Variants in SSH2 observed in about 807,000 individuals in gnomAD.
SSH2 encodes slingshot protein phosphatase 2.
A neutral mutation model predicts 135.2 loss-of-function variants in SSH2; 37 were observed. The ratio of observed to expected loss-of-function variants is 0.27; its 90% CI spans 0.21 to 0.36. SSH2 has a LOEUF of 0.36. Ranked by LOEUF, SSH2 falls within the 10% of genes least tolerant of loss-of-function variation. The pLI is 1.00. For missense variants in SSH2, 1,408 were observed against 1,765.3 expected (o/e 0.80, Z 3.63); for synonymous variants, 628 against 646.2 (o/e 0.97, Z 0.43).
intron 1 of SSH2, among the ~76,000 whole-genome samples, chr17:29,909,160 C>T (rs2066719022): frequency 6.6e-6 from 1 of 152,064 alleles, no homozygotes; most frequent in Non-Finnish European, 1.5e-5. Flanking sequence ...GTAAAAATAG[C>T]TTGGGTTTAA....
chr17:29,736,871 A>G, intron 3 of SSH2, among the ~76,000 whole-genome samples: 1 of 140,968 alleles, frequency 7.1e-6, no homozygotes, highest in Non-Finnish European at 1.5e-5. Flanking sequence ...AGGTCGAGGC[A>G]GGCAGATCAC....
Position 29,768,324 on chromosome 17 carries a change from G to A in SSH2, c.188+25570C>T, listed in dbSNP as rs534099249. On this transcript the variant is annotated intron_variant, in intron 3 of 15. Transcript: ENST00000540801. Reference sequence around the variant, plus strand: ...TTTTTTTTTTTTGAGACAGGGTCTCGCTCTGTCATCCAGACTGGAGTGCAG... The same window carrying A: ...TTTTTTTTTTTTGAGACAGGGTCTCACTCTGTCATCCAGACTGGAGTGCAG... Among the ~76,000 whole-genome samples the A allele has an allele frequency of 2.2e-5, 3 of 137,400 alleles. No homozygotes were observed. In the South Asian group the frequency reaches 6.6e-4, roughly 30 times the overall value. 90.1% of individuals were successfully genotyped at this position (137,400 alleles called of 152,430 possible).
intron 9 of SSH2, among the ~76,000 whole-genome samples, chr17:29,667,735 C>T (rs2037337517): frequency 6.6e-6 from 1 of 152,152 alleles, no homozygotes; most frequent in Non-Finnish European, 1.5e-5. Context: ...CTCACAATAT[C>T]TCTGTGAAAC....
At chr17:29,794,562 A>G (rs2042125316) in intron 2 of SSH2, among the ~76,000 whole-genome samples, 1 of 152,248 alleles carries the variant, frequency 6.6e-6, no homozygotes, top group African/African-American at 2.4e-5. Flanking sequence ...GTCATATAAA[A>G]GCACTGATGG....
intron 1 of SSH2, among the ~76,000 whole-genome samples, chr17:29,872,249 C>T (rs2151422104): frequency 6.6e-6 from 1 of 152,288 alleles, no homozygotes; most frequent in Middle Eastern, 3.4e-3. Context: ...GAATTGGTGA[C>T]TATTATTAAT....
intron 3 of SSH2, among the ~76,000 whole-genome samples, chr17:29,719,652 C>CTT: frequency 1.3e-5 from 2 of 151,920 alleles, no homozygotes; most frequent in African/African-American, 4.8e-5. Context: ...AGAAGTTCTT[C>CTT]CCATTTCACA....
chr17:29,788,348 C>T (rs1234417773), intron 3 of SSH2, among the ~76,000 whole-genome samples: 14 of 152,160 alleles, frequency 9.2e-5, no homozygotes, highest in Admixed American at 9.2e-4. Context: ...AGAAGTTCCT[C>T]CTTCTGCCTT....
intron 3 of SSH2, among the ~76,000 whole-genome samples, chr17:29,706,876 G>A (rs1598846746): frequency 6.6e-6 from 1 of 152,080 alleles, no homozygotes; most frequent in African/African-American, 2.4e-5. Context: ...CTTCCTGGCC[G>A]GGCGCAGTGG....
rs146787359 is a variant in SSH2 at position 29,691,477 on chromosome 17, C to T, written c.357+3982G>A. Among the ~76,000 whole-genome samples, 9 of 136,380 alleles carry T rather than the reference C, an allele frequency of 6.6e-5. No individual in the cohort carries two copies. In the East Asian group the frequency reaches 2.0e-3, roughly 31 times the overall value. The allele number at this position is 136,380 out of a possible 152,430, so 89.5% of individuals were successfully genotyped here. A position where few individuals can be genotyped will look rare whatever the true frequency, so the allele number is the denominator to read the frequency against. On this transcript the variant is annotated intron_variant, in intron 5 of 15. Transcript: ENST00000540801. The stretch of plus-strand genomic sequence containing the variant: ...GAGCTTCCCTGGAGGAAAAGATTGG[C>T]TTTGTCCTATTTTCTCTCTTTTTTT...
chr17:29,777,498 T>A (rs573281327), intron 3 of SSH2: 1 of 152,288 alleles, frequency 6.6e-6, no homozygotes, highest in East Asian at 1.9e-4. Flanking sequence ...ACTGAAATAA[T>A]GAAAATGCAC....
Position 29,811,508 on chromosome 17 carries a change from G to A in SSH2, c.145-17571C>T, listed in dbSNP as rs182314396. ...GTAAAAAGCTATTCATTGAAGTTAC[G>A]TAAACAAGTGCTTCCACTCACAAAT... On this transcript the variant is annotated intron_variant, in intron 2 of 15. Transcript: ENST00000540801. Among the ~76,000 whole-genome samples the A allele has an allele frequency of 9.4e-4, 143 of 151,414 alleles. 2 individuals are homozygous for A. The highest frequency in any genetic ancestry group is 9.3e-3 in the East Asian group (48 of 5,150).
chr17:29,655,978 A>T (rs1469180677), intron 11 of SSH2, among the ~76,000 whole-genome samples: 1 of 152,066 alleles, frequency 6.6e-6, no homozygotes, highest in African/African-American at 2.4e-5. Context: ...GTACCTATAT[A>T]TTTATTTATG....
intron 3 of SSH2, among the ~76,000 whole-genome samples, chr17:29,730,360 ATTTG>A (rs943016830): frequency 6.8e-6 from 1 of 148,126 alleles, no homozygotes; most frequent in African/African-American, 2.5e-5. Flanking sequence ...TATATATATA[ATTTG>A]TTTGTAACAC....
chr17:29,737,885 C>G (rs1226166066), intron 3 of SSH2, among the ~76,000 whole-genome samples: 1 of 152,134 alleles, frequency 6.6e-6, no homozygotes, highest in Non-Finnish European at 1.5e-5. Context: ...CAGGCTTGAA[C>G]TTCACTTACC....
At chr17:29,755,467 C>G (rs941479193) in intron 3 of SSH2, among the ~76,000 whole-genome samples, 2 of 151,898 alleles carry the variant, frequency 1.3e-5, no homozygotes, top group African/African-American at 4.8e-5. Flanking sequence ...AACATAATTA[C>G]CAATAAAATA....
Position 29,636,369 on chromosome 17 carries a change from C to A in SSH2, c.1861G>T (p.Val621Leu), listed in dbSNP as rs1437989616. Residue 621 changes from valine (V) to leucine (L), a missense_variant, in exon 15 of 16, where the codon GTG becomes TTG. By Grantham distance (32) the Val-to-Leu change is conservative. Coordinates refer to ENST00000540801, the MANE Select transcript of SSH2 (RefSeq NM_001282129.2). ...EMANKFPDLT[V>L]EDLETDALKA... ...AGTGCATCTGTCTCCAAATCTTCCA[C>A]TGTTAAGTCTGGAAACTTGTTGGCC... 2 of 1,614,192 alleles carry A rather than the reference C, an allele frequency of 1.2e-6. No homozygotes were observed. The highest frequency in any genetic ancestry group is 1.7e-6 in the Non-Finnish European group (2 of 1,180,030).
intron 3 of SSH2, among the ~76,000 whole-genome samples, chr17:29,771,077 C>T (rs1348012967): frequency 2.0e-5 from 3 of 152,188 alleles, no homozygotes; most frequent in East Asian, 3.8e-4. Context: ...GAACCTACGT[C>T]TTCTGATTAA....
Position 29,930,129 on chromosome 17 carries a change from C to T in SSH2, c.-129G>A, listed in dbSNP as rs1217242766. ...AAGGGAACGGGGAGGAGGAGGAGGC[C>T]GCGGGAACGGCCGCAGACTCCGCAC... On this transcript the variant is annotated 5_prime_UTR_variant, in exon 1 of 16. Coordinates refer to ENST00000540801, the MANE Select transcript of SSH2 (RefSeq NM_001282129.2). 6 of 859,522 alleles carry T rather than the reference C, an allele frequency of 7.0e-6. No individual in the cohort carries two copies. The African/African-American group carries it at 8.5e-5, about 12-fold the overall frequency. 53.2% of individuals were successfully genotyped at this position (859,522 alleles called of 1,614,324 possible).
intron 5 of SSH2, among the ~76,000 whole-genome samples, chr17:29,685,582 TC>T (rs2038177019): frequency 1.3e-5 from 2 of 151,860 alleles, no homozygotes; most frequent in South Asian, 4.2e-4. Context: ...GGTCAGGAGT[TC>T]AAGACCAGCC....
Sources: gnomAD v4.1 joint callset for allele counts (sites outside exome capture counted in the v4.1 genomes callset) on GRCh38, gnomAD v4.1.1 for gene constraint, MANE v1.5 for transcripts, NCBI Gene and HGNC (gene_info 2026-07-23, HGNC 2026-07-21) for gene names.